Variants in ADGRL2 observed in about 807,000 individuals in gnomAD.
ADGRL2 encodes adhesion G protein-coupled receptor L2.
Under a neutral mutation model 157.4 loss-of-function variants are expected in ADGRL2, and 44 were observed. That is an observed-to-expected ratio of 0.28 (90% CI 0.22 to 0.36). The LOEUF (loss-of-function observed/expected upper bound fraction) is 0.36, where lower values mean the gene tolerates loss of function less well. Among genes scored for constraint, ADGRL2 ranks in the 10% least tolerant of loss-of-function variants. The probability of loss-of-function intolerance (pLI) is 1.00; values close to 1 mark genes in which losing one functional copy is unlikely to be tolerated. For synonymous variants in ADGRL2, 585 were observed against 624.7 expected (o/e 0.94, Z 0.95); for missense variants, 1,510 against 1,768.9 (o/e 0.85, Z 2.63).
intron 2 of ADGRL2, among the ~76,000 whole-genome samples, chr1:81,786,922 G>T (rs185391217): frequency 2.4e-4 from 36 of 152,230 alleles, no homozygotes; most frequent in Admixed American, 2.4e-3. Context: ...ATCTTGAATT[G>T]TACTCCCATA....
chr1:81,376,288 C>T (rs2076248421), intron 1 of ADGRL2, among the ~76,000 whole-genome samples: 1 of 152,142 alleles, frequency 6.6e-6, no homozygotes, highest in Admixed American at 6.5e-5. Context: ...ACTTTTCACA[C>T]TTTTCCAGAG....
At chr1:81,851,705 G>T (rs540668595) in intron 2 of ADGRL2, among the ~76,000 whole-genome samples, 2 of 149,178 alleles carry the variant, frequency 1.3e-5, no homozygotes, top group African/African-American at 4.9e-5. Context: ...AGCTTTTTTG[G>T]GGAAATTGTC....
chr1:81,417,406 T>C (rs1033947628), intron 1 of ADGRL2, among the ~76,000 whole-genome samples: 1 of 152,230 alleles, frequency 6.6e-6, no homozygotes, highest in African/African-American at 2.4e-5. Context: ...TACTTTATTT[T>C]ATAATTTTTC....
intron 3 of ADGRL2, among the ~76,000 whole-genome samples, chr1:81,622,004 G>C (rs2081801776): frequency 6.6e-6 from 1 of 152,138 alleles, no homozygotes; most frequent in Non-Finnish European, 1.5e-5. Flanking sequence ...TCCGTCTTCA[G>C]TTATCATTTG....
intron 3 of ADGRL2, among the ~76,000 whole-genome samples, chr1:81,676,577 A>G (rs1007310750): frequency 6.6e-6 from 1 of 152,182 alleles, no homozygotes; most frequent in Non-Finnish European, 1.5e-5. Flanking sequence ...CTGGTATTAC[A>G]GGCGTGAGCC....
intron 3 of ADGRL2, among the ~76,000 whole-genome samples, chr1:81,913,079 A>T (rs947361024): frequency 2.0e-5 from 3 of 152,194 alleles, no homozygotes; most frequent in African/African-American, 4.8e-5. Context: ...GTGTTTTCTG[A>T]AAGGTTGGGA....
intron 3 of ADGRL2, among the ~76,000 whole-genome samples, chr1:81,590,539 T>G (rs1041522862): frequency 2.0e-5 from 3 of 152,084 alleles, no homozygotes; most frequent in Non-Finnish European, 4.4e-5. Flanking sequence ...CCCCAGTCTT[T>G]TAATCACATG....
chr1:81,891,896 T>G (rs2094275676), intron 2 of ADGRL2, among the ~76,000 whole-genome samples: 2 of 152,112 alleles, frequency 1.3e-5, no homozygotes, highest in Admixed American at 6.6e-5. Context: ...AACGCATTTA[T>G]GTTTGGAGGT....
chr1:81,589,108 A>G (rs917145673), intron 3 of ADGRL2, among the ~76,000 whole-genome samples: 3 of 152,190 alleles, frequency 2.0e-5, no homozygotes, highest in Non-Finnish European at 2.9e-5. Context: ...AGTGCACACT[A>G]TACTCCAAAA....
chr1:81,983,544 A>T (rs528782489), intron 19 of ADGRL2, among the ~76,000 whole-genome samples: 19 of 152,212 alleles, frequency 1.2e-4, no homozygotes, highest in African/African-American at 4.6e-4. Context: ...CTTTACAGGC[A>T]GTTACTGCAC....
intron 3 of ADGRL2, among the ~76,000 whole-genome samples, chr1:81,683,368 A>C (rs142555834): frequency 3.1e-3 from 465 of 152,118 alleles, no homozygotes; most frequent in African/African-American, 0.011. Context: ...TTTAGTGGTG[A>C]TTTGTGAGAT....
At chr1:81,413,423 G>A (rs2076982053) in intron 1 of ADGRL2, among the ~76,000 whole-genome samples, 2 of 151,982 alleles carry the variant, frequency 1.3e-5, no homozygotes, top group African/African-American at 2.4e-5. Context: ...AATAACCAAA[G>A]TATCGTAAGA....
At chr1:81,395,422 A>G (rs2076637662) in intron 1 of ADGRL2, among the ~76,000 whole-genome samples, 1 of 152,036 alleles carries the variant, frequency 6.6e-6, no homozygotes, top group African/African-American at 2.4e-5. Flanking sequence ...GTTGTTCGAG[A>G]TCCTTGCATA....
At chr1:81,346,551 G>T (rs1048608044) in intron 1 of ADGRL2, among the ~76,000 whole-genome samples, 1 of 152,100 alleles carries the variant, frequency 6.6e-6, no homozygotes, top group South Asian at 2.1e-4. Context: ...ATTAATTAAG[G>T]TGATAAAAGT....
At chr1:81,434,820 C>G (rs544980195) in intron 1 of ADGRL2, among the ~76,000 whole-genome samples, 3 of 152,272 alleles carry the variant, frequency 2.0e-5, no homozygotes, top group African/African-American at 7.2e-5. Context: ...TCAAATCTGA[C>G]AAGACTGGGC....
At chr1:81,838,226 T>A (rs2092382669) in intron 2 of ADGRL2, among the ~76,000 whole-genome samples, 2 of 152,018 alleles carry the variant, frequency 1.3e-5, no homozygotes, top group South Asian at 4.1e-4. Context: ...TTTATCATGT[T>A]CTCCTTGTCC....
chr1:81,366,270 C>G (rs1570738014), intron 1 of ADGRL2, among the ~76,000 whole-genome samples: 1 of 149,826 alleles, frequency 6.7e-6, no homozygotes, highest in African/African-American at 2.4e-5. Context: ...AAGGAACCCA[C>G]CAAGATATGA....
chr1:81,347,981 T>C (rs944537882), intron 1 of ADGRL2, among the ~76,000 whole-genome samples: 4 of 152,044 alleles, frequency 2.6e-5, no homozygotes, highest in African/African-American at 9.7e-5. Context: ...TGAAGATGAA[T>C]CAAAAAATCA....
chr1:81,990,271 G>A, intron 23 of ADGRL2, 120 bp from the exon 24 acceptor site: 1 of 1,503,800 alleles, frequency 6.6e-7, no homozygotes, highest in Non-Finnish European at 8.8e-7. Context: ...CACTTTTCAA[G>A]TGTTAGCTTT....
Sources: allele counts gnomAD v4.1 joint callset (sites outside exome capture counted in the v4.1 genomes callset), GRCh38; gene constraint gnomAD v4.1.1; transcripts MANE v1.5; gene names NCBI Gene and HGNC (gene_info 2026-07-23, HGNC 2026-07-21).